The following MAP2 variants were observed in gnomAD, a reference collection of about 807,000 sequenced individuals.
MAP2 encodes the protein microtubule associated protein 2, also known as microtubule-associated protein 2.
Under a neutral mutation model 137.6 loss-of-function variants are expected in MAP2, and 14 were observed. That is an observed-to-expected ratio of 0.10 (90% CI 0.07 to 0.16). The LOEUF (loss-of-function observed/expected upper bound fraction) is 0.16, where lower values mean the gene tolerates loss of function less well. Among genes scored for constraint, MAP2 ranks in the 10% least tolerant of loss-of-function variants. The pLI is 1.00. For synonymous variants in MAP2, 786 were observed against 782.3 expected, an observed-to-expected ratio of 1.00 and a Z score of -0.08; for missense variants, 2,088 against 2,191.5, an observed-to-expected ratio of 0.95 and a Z score of 0.94.
intron 5 of MAP2, among the ~76,000 whole-genome samples, chr2:209,669,437 T>C (rs922665208): frequency 1.3e-5 from 2 of 152,090 alleles, no homozygotes; most frequent in Non-Finnish European, 2.9e-5. Flanking sequence ...TTAGCTAAGC[T>C]GCTGATCTTT....
intron 1 of MAP2, among the ~76,000 whole-genome samples, chr2:209,500,770 A>T (rs1288622461): frequency 6.6e-6 from 1 of 152,178 alleles, no homozygotes; most frequent in Non-Finnish European, 1.5e-5. Context: ...CCAGTTGGGT[A>T]TGGTGGCTTA....
intron 3 of MAP2, among the ~76,000 whole-genome samples, chr2:209,603,259 A>G (rs1318070351): frequency 6.6e-6 from 1 of 152,164 alleles, no homozygotes; most frequent in Non-Finnish European, 1.5e-5. Context: ...ATCTAAAAAA[A>G]TATGTAGGCC....
chr2:209,480,113 A>G (rs1303746668), intron 1 of MAP2, among the ~76,000 whole-genome samples: 1 of 152,180 alleles, frequency 6.6e-6, no homozygotes, highest in Non-Finnish European at 1.5e-5. Flanking sequence ...CTAAATATGC[A>G]CATTGACTAA....
At chr2:209,609,889 C>A (rs2086216585) in intron 3 of MAP2, among the ~76,000 whole-genome samples, 1 of 152,102 alleles carries the variant, frequency 6.6e-6, no homozygotes, top group African/African-American at 2.4e-5. Context: ...TGGGTTGGTA[C>A]AACACATACA....
At chr2:209,496,629 C>G (rs1414906219) in intron 1 of MAP2, among the ~76,000 whole-genome samples, 1 of 152,160 alleles carries the variant, frequency 6.6e-6, no homozygotes, top group Non-Finnish European at 1.5e-5. Context: ...GAAACTCACA[C>G]TTAATGTGTC....
intron 3 of MAP2, among the ~76,000 whole-genome samples, chr2:209,620,647 A>ATT (rs1456301142): frequency 1.3e-5 from 2 of 152,194 alleles, no homozygotes; most frequent in African/African-American, 4.8e-5. Flanking sequence ...AGACTAAATG[A>ATT]TTTTATGTTG....
At chr2:209,629,711 C>T (rs1040896776) in intron 4 of MAP2, among the ~76,000 whole-genome samples, 8 of 152,332 alleles carry the variant, frequency 5.3e-5, no homozygotes, top group African/African-American at 1.9e-4. Flanking sequence ...TCTCAAGCTA[C>T]TCTGGCTCTT....
chr2:209,581,534 G>A (rs1318779011), intron 3 of MAP2, among the ~76,000 whole-genome samples: 2 of 152,036 alleles, frequency 1.3e-5, no homozygotes, highest in Non-Finnish European at 2.9e-5. Context: ...AAACTCTTGA[G>A]ACCATTCTCT....
intron 1 of MAP2, among the ~76,000 whole-genome samples, chr2:209,476,088 A>G (rs1707140008): frequency 6.6e-6 from 1 of 152,156 alleles, no homozygotes. Flanking sequence ...GTTTCTTATC[A>G]TCCAGAATAG....
intron 11 of MAP2, among the ~76,000 whole-genome samples, chr2:209,702,354 C>A (rs930421455): frequency 3.3e-5 from 5 of 151,624 alleles, no homozygotes; most frequent in Non-Finnish European, 5.9e-5. Flanking sequence ...TTTTTTTCTT[C>A]CTAATCCCAT....
At chr2:209,526,826 A>G (rs2064134567) in intron 2 of MAP2, among the ~76,000 whole-genome samples, 1 of 151,880 alleles carries the variant, frequency 6.6e-6, no homozygotes, top group African/African-American at 2.4e-5. Context: ...GAAAAGTTTC[A>G]TTTCATACCT....
intron 2 of MAP2, among the ~76,000 whole-genome samples, chr2:209,537,799 T>G (rs2066219472): frequency 6.6e-6 from 1 of 152,248 alleles, no homozygotes; most frequent in African/African-American, 2.4e-5. Flanking sequence ...CCTCCTCAGA[T>G]TCAGCCTTTA....
rs575777508 is a variant in MAP2, at chr2:209,508,702, T to C, written c.-172+1061T>C. On this transcript the variant is annotated intron_variant, in intron 2 of 15. Transcript: ENST00000682079. ...TGTATCGAATGAAGCAAATAGAATATATTAAAATTATGCCTATAGATAATT... is the reference window on the plus strand; with the variant it reads ...TGTATCGAATGAAGCAAATAGAATACATTAAAATTATGCCTATAGATAATT... Among the ~76,000 whole-genome samples the C allele has an allele frequency of 1.8e-4, 27 of 151,882 alleles. No homozygotes were observed. The South Asian group carries it at 5.6e-3, about 32-fold the overall frequency.
chr2:209,481,152 C>G (rs1297555496), intron 1 of MAP2, among the ~76,000 whole-genome samples: 1 of 152,188 alleles, frequency 6.6e-6, no homozygotes, highest in Non-Finnish European at 1.5e-5. Context: ...GTGTAGCTTA[C>G]TGAATGTTTC....
At position 209,437,718 on chromosome 2, in the gene MAP2, TG is replaced by T. The variant is rs1325909154; in HGVS notation, c.-222+13445del. On this transcript the variant is annotated intron_variant, in intron 1 of 15. Coordinates refer to ENST00000682079, the MANE Select transcript of MAP2 (RefSeq NM_001375505.1). ...GATAATGATTCTTAGACATAATCAA[TG>T]GGAGTGTCAAGGGAAATGGCAATAT... Among the ~76,000 whole-genome samples, 4 of 151,520 alleles carry T rather than the reference TG, an allele frequency of 2.6e-5. No individual in the cohort carries two copies. The Admixed American group carries it at 2.6e-4, about 10-fold the overall frequency.
chr2:209,461,555 A>G (rs1396536269), intron 1 of MAP2, among the ~76,000 whole-genome samples: 1 of 152,082 alleles, frequency 6.6e-6, no homozygotes, highest in Non-Finnish European at 1.5e-5. Flanking sequence ...TCTCAGGTTC[A>G]AGCTATTCTC....
At chr2:209,725,957 C>A (rs1489430694) in intron 14 of MAP2, among the ~76,000 whole-genome samples, 167 bp downstream of exon 14, 5 of 152,246 alleles carry the variant, frequency 3.3e-5, no homozygotes, top group Admixed American at 2.6e-4. Flanking sequence ...AAGGCATCTT[C>A]ATTGGGGAAA....
chr2:209,505,427 G>A (rs1446513551), intron 1 of MAP2, among the ~76,000 whole-genome samples: 1 of 152,068 alleles, frequency 6.6e-6, no homozygotes, highest in African/African-American at 2.4e-5. Context: ...CACACTGGAC[G>A]CTATCATTCT....
intron 3 of MAP2, among the ~76,000 whole-genome samples, chr2:209,598,604 C>G (rs1351634187): frequency 7.3e-6 from 1 of 136,856 alleles, no homozygotes; most frequent in African/African-American, 2.7e-5. Context: ...CCCCCTCCCC[C>G]ACCCCACAAC....
Sources: gnomAD v4.1 joint callset for allele counts (sites outside exome capture counted in the v4.1 genomes callset) on GRCh38, gnomAD v4.1.1 for gene constraint, MANE v1.5 for transcripts, NCBI Gene and HGNC (gene_info 2026-07-23, HGNC 2026-07-21) for gene names.